Variants in FOXN3 observed in about 807,000 individuals in gnomAD.
FOXN3 encodes the protein forkhead box protein N3.
Under a neutral mutation model 38.4 loss-of-function variants are expected in FOXN3, and 7 were observed. That is an observed-to-expected ratio of 0.18 (90% CI 0.10 to 0.34). The LOEUF (loss-of-function observed/expected upper bound fraction) is 0.34, where lower values mean the gene tolerates loss of function less well. Ranked by LOEUF, FOXN3 falls within the 10% of genes least tolerant of loss-of-function variation. The pLI, the probability that FOXN3 is intolerant of heterozygous loss-of-function variation, is 1.00. For synonymous variants in FOXN3, 230 were observed against 242.2 expected, an observed-to-expected ratio of 0.95 and a Z score of 0.47; for missense variants, 456 against 613.4, an observed-to-expected ratio of 0.74 and a Z score of 2.71.
At chr14:89,257,975 G>C (rs1885677864) in intron 4 of FOXN3, among the ~76,000 whole-genome samples, 1 of 152,146 alleles carries the variant, frequency 6.6e-6, no homozygotes, top group Non-Finnish European at 1.5e-5. Context: ...TATCCTAACA[G>C]CAGAGTAGAG....
rs142347858 is a variant in FOXN3, at chr14:89,297,980, G to C, written c.681-16966C>G. On this transcript the variant is annotated intron_variant, in intron 3 of 5. Transcript: ENST00000557258. ...GGCCTGGGTGACAGACAGAGAACAT[G>C]TCTCTAAAAAAACAAAACAACAAGA... 3.0e-3 allele frequency among the ~76,000 whole-genome samples: 458 copies of C among 152,162 alleles called. 4 individuals carry two copies. The highest frequency in any genetic ancestry group is 0.011 in the African/African-American group (437 of 41,498).
rs544417569 is a variant in FOXN3, at chr14:89,194,412, G to A, written c.746-13606C>T. Among the ~76,000 whole-genome samples, 23 of 152,218 alleles carry A rather than the reference G, an allele frequency of 1.5e-4. No individual in the cohort carries two copies. In the South Asian group the frequency reaches 2.3e-3, roughly 15 times the overall value. On this transcript the variant is annotated intron_variant, in intron 4 of 5. Transcript: ENST00000557258. ...TTAACTAGCAAGCTGGTTAAGCACA[G>A]ACCTAGCACTGTAGATCAATGCCAG... is the stretch of plus-strand genomic sequence containing the variant.
Position 89,345,627 on chromosome 14 carries a change from C to T in FOXN3, c.680+5045G>A, listed in dbSNP as rs1023980385. Among the ~76,000 whole-genome samples, 21 of 152,232 alleles carry T rather than the reference C, an allele frequency of 1.4e-4. No individual in the cohort carries two copies. In the South Asian group the frequency reaches 4.4e-3, roughly 32 times the overall value. ...TATCCTTAATCCCCCTCCCAACCTT[C>T]CCCCTACTCCCCTCCGAGTCCCCAA... is the stretch of plus-strand genomic sequence containing the variant. On this transcript the variant is annotated intron_variant, in intron 3 of 5. Transcript: ENST00000557258.
At chr14:89,367,990 C>T (rs951595679) in intron 2 of FOXN3, among the ~76,000 whole-genome samples, 5 of 152,300 alleles carry the variant, frequency 3.3e-5, no homozygotes, top group South Asian at 2.1e-4. Context: ...CTGCTGACCT[C>T]GGCAGGTGTG....
chr14:89,177,705 C>T (rs1887559861), intron 5 of FOXN3, among the ~76,000 whole-genome samples: 1 of 151,994 alleles, frequency 6.6e-6, no homozygotes, highest in Admixed American at 6.6e-5. Context: ...TGCCTCTGTA[C>T]CTCAGCAGCA....
intron 1 of FOXN3, among the ~76,000 whole-genome samples, chr14:89,512,025 T>C (rs1279196743): frequency 6.6e-6 from 1 of 152,146 alleles, no homozygotes; most frequent in Non-Finnish European, 1.5e-5. Flanking sequence ...CAAGATGAGA[T>C]TTGGGTGGGG....
In FOXN3 at chr14:89,511,264, T is replaced by TTCC. The variant is rs1566681365; in HGVS notation, c.-14-98775_-14-98774insGGA. Among the ~76,000 whole-genome samples the TTCC allele has an allele frequency of 6.3e-4, 17 of 26,968 alleles. 2 individuals carry two copies. Among genetic ancestry groups the TTCC allele is most frequent in the East Asian group, 1.6e-3 (3 of 1,928 alleles). The allele number at this position is 26,968 out of a possible 152,430, so 17.7% of individuals were successfully genotyped here. On this transcript the variant is annotated intron_variant, in intron 1 of 6. Transcript: ENST00000345097. ...TTTCTTTCTTTTCTTTCTTTCTTTC[T>TTCC]TTCTTTCTTTCTTTCTTTCTTTCTT...
rs549015100 is a variant in FOXN3, at chr14:89,466,610, G to A, written c.-14-54120C>T. 4.3e-4 allele frequency among the ~76,000 whole-genome samples: 66 copies of A among 152,200 alleles called. 1 individual carries two copies. The South Asian group carries it at 0.012, about 27-fold the overall frequency. On this transcript the variant is annotated intron_variant, in intron 1 of 6. Coordinates refer to the FOXN3 transcript ENST00000345097. ...CACAGCCTAGTGAAGCACACCACCC[G>A]CAGCAGCAGTTACAACACAGGAAGT...
rs1017398240 is a variant in FOXN3 at position 89,520,718 on chromosome 14, A to G, written c.-15+98310T>C. Among the ~76,000 whole-genome samples, 6 of 152,208 alleles carry G rather than the reference A, an allele frequency of 3.9e-5. No homozygotes were observed. The East Asian group carries it at 7.7e-4, about 19-fold the overall frequency. On this transcript the variant is annotated intron_variant, in intron 1 of 6. Coordinates refer to the FOXN3 transcript ENST00000345097. ...AATAACAGAATCCAGAGTCTCTACA[A>G]TGTATCATTCACAACAACCAAGTTA...
intron 4 of FOXN3, among the ~76,000 whole-genome samples, chr14:89,239,212 C>G (rs1165648002): frequency 6.6e-6 from 1 of 152,204 alleles, no homozygotes; most frequent in Non-Finnish European, 1.5e-5. Flanking sequence ...GGCAATTTTC[C>G]TAGTTGTAAA....
chr14:89,342,143 G>A (rs1481250932), intron 3 of FOXN3, among the ~76,000 whole-genome samples: 1 of 152,178 alleles, frequency 6.6e-6, no homozygotes, highest in Non-Finnish European at 1.5e-5. Context: ...GGGCACCCCA[G>A]GAGGTCAGAA....
chr14:89,218,861 T>G (rs1884366932), intron 4 of FOXN3, among the ~76,000 whole-genome samples: 1 of 152,204 alleles, frequency 6.6e-6, no homozygotes, highest in African/African-American at 2.4e-5. Context: ...CTATTGTACG[T>G]TTTGTGGCAT....
chr14:89,425,977 A>G (rs1475139887), intron 1 of FOXN3, among the ~76,000 whole-genome samples: 3 of 152,144 alleles, frequency 2.0e-5, no homozygotes, highest in African/African-American at 7.2e-5. Flanking sequence ...GGCATACCAC[A>G]GCCTTCCTGT....
chr14:89,303,536 T>C lies in FOXN3; in HGVS notation c.681-22522A>G, dbSNP rs74481185. ...AAAAAAAAACTAGCCCTATAAAGTA[T>C]ATAGGGCTGGTATTATGATCCTCAT... On this transcript the variant is annotated intron_variant, in intron 3 of 5. Transcript: ENST00000557258. 2.5e-3 allele frequency among the ~76,000 whole-genome samples: 376 copies of C among 150,352 alleles called. 8 individuals carry two copies. The East Asian group carries it at 0.05, about 20-fold the overall frequency.
At chr14:89,485,552 A>G (rs1464041224) in intron 1 of FOXN3, among the ~76,000 whole-genome samples, 1 of 152,072 alleles carries the variant, frequency 6.6e-6, no homozygotes, top group Non-Finnish European at 1.5e-5. Context: ...TAGAGTAAAT[A>G]ATCAGGTAGA....
intron 4 of FOXN3, among the ~76,000 whole-genome samples, chr14:89,275,559 A>G (rs569585843): frequency 1.1e-3 from 165 of 152,302 alleles, no homozygotes; most frequent in South Asian, 5.8e-3. Context: ...CTTCCACTAT[A>G]ACTTCCTCTT....
chr14:89,325,308 CACCACG>C (rs1888034379), intron 3 of FOXN3, among the ~76,000 whole-genome samples: 7 of 132,952 alleles, frequency 5.3e-5, no homozygotes, highest in African/African-American at 2.0e-4. Context: ...CCAACACCAC[CACCACG>C]ACCACCACCA....
chr14:89,315,974 CTAGA>C (rs1825945524), intron 3 of FOXN3, among the ~76,000 whole-genome samples: 1 of 152,184 alleles, frequency 6.6e-6, no homozygotes, highest in African/African-American at 2.4e-5. Context: ...TCCCAAGATC[CTAGA>C]TAAACTCCTT....
At position 89,291,331 on chromosome 14, in the gene FOXN3, T is replaced by C. The variant is rs994264759; in HGVS notation, c.681-10317A>G. On this transcript the variant is annotated intron_variant, in intron 3 of 5. Transcript: ENST00000557258. ...CGCATTCTCTCGGGGTTGTTGGTCATGAGATGCCATCAGAAGGAAAGCCCT... is the reference window on the plus strand; with the variant it reads ...CGCATTCTCTCGGGGTTGTTGGTCACGAGATGCCATCAGAAGGAAAGCCCT... 3 of 546,892 alleles carry C rather than the reference T, an allele frequency of 5.5e-6. No individual in the cohort carries two copies. In the African/African-American group the frequency reaches 5.7e-5, roughly 10 times the overall value. 33.9% of individuals were successfully genotyped at this position (546,892 alleles called of 1,614,324 possible). A position where few individuals can be genotyped will look rare whatever the true frequency, so the allele number is the denominator to read the frequency against.
Sources: gnomAD v4.1 joint callset for allele counts (sites outside exome capture counted in the v4.1 genomes callset) on GRCh38, gnomAD v4.1.1 for gene constraint, MANE v1.5 for transcripts, NCBI Gene and HGNC (gene_info 2026-07-23, HGNC 2026-07-21) for gene names.